Variants in PPARGC1A observed in about 807,000 individuals in gnomAD.
The protein encoded by PPARGC1A is peroxisome proliferator-activated receptor gamma coactivator 1-alpha.
In PPARGC1A, 25 loss-of-function variants were observed where a neutral mutation model predicts 88.7. That is an observed-to-expected ratio of 0.28 (90% confidence interval 0.21 to 0.39). The LOEUF (loss-of-function observed/expected upper bound fraction) is 0.39. Among genes scored for constraint, PPARGC1A ranks in the 10% least tolerant of loss-of-function variants. The pLI is 1.00. For synonymous variants in PPARGC1A, 363 were observed against 355.6 expected, an observed-to-expected ratio of 1.02 and a Z score of -0.24; for missense variants, 880 against 968.7, an observed-to-expected ratio of 0.91 and a Z score of 1.22.
intron 2 of PPARGC1A, among the ~76,000 whole-genome samples, chr4:23,879,534 T>A (rs1041810724): frequency 1.4e-4 from 22 of 152,324 alleles, no homozygotes; most frequent in African/African-American, 5.1e-4. Context: ...TTAGCATTCC[T>A]TACCACCTCT....
At chr4:23,907,884 G>A (rs1369059112), upstream of PPARGC1A, among the ~76,000 whole-genome samples, 1 of 152,168 alleles carries the variant, frequency 6.6e-6, no homozygotes, top group East Asian at 1.9e-4. Flanking sequence ...GCACAAACAT[G>A]TATGGGAAGC....
chr4:23,884,129 A>G (rs1367555801), intron 2 of PPARGC1A: 1 of 152,220 alleles, frequency 6.6e-6, no homozygotes, highest in East Asian at 1.9e-4. Context: ...TCTTTATTAT[A>G]GGGTAGGCTT....
At chr4:24,211,507 C>T in the PPARGC1A span, among the ~76,000 whole-genome samples, 1 of 152,160 alleles carries the variant, frequency 6.6e-6, no homozygotes, top group Non-Finnish European at 1.5e-5. Flanking sequence ...CTTCGTCCTA[C>T]ATAGACAGGT....
chr4:23,851,821 T>G (rs987280053), intron 2 of PPARGC1A, among the ~76,000 whole-genome samples: 1 of 152,228 alleles, frequency 6.6e-6, no homozygotes, highest in African/African-American at 2.4e-5. Context: ...GTATGCTGTG[T>G]CTTACAGAAG....
the PPARGC1A span, among the ~76,000 whole-genome samples, chr4:24,149,930 G>A: frequency 6.6e-6 from 1 of 152,118 alleles, no homozygotes; most frequent in African/African-American, 2.4e-5. Flanking sequence ...ATCTGGAATA[G>A]GATAAACAAC....
At chr4:24,402,169 C>T in the PPARGC1A span, among the ~76,000 whole-genome samples, 1 of 152,192 alleles carries the variant, frequency 6.6e-6, no homozygotes, top group Non-Finnish European at 1.5e-5. Flanking sequence ...CTCCATCCTA[C>T]CCCACTCCGT....
At chr4:24,237,899 A>G in the PPARGC1A span, among the ~76,000 whole-genome samples, 1 of 152,174 alleles carries the variant, frequency 6.6e-6, no homozygotes, top group Admixed American at 6.5e-5. Flanking sequence ...CCCACTTAGG[A>G]AGCTATCACT....
At chr4:24,303,250 G>T in the PPARGC1A span, among the ~76,000 whole-genome samples, 1 of 152,114 alleles carries the variant, frequency 6.6e-6, no homozygotes, top group Admixed American at 6.5e-5. Flanking sequence ...ACAGAAATTA[G>T]TTGCAAAGTA....
the PPARGC1A span, among the ~76,000 whole-genome samples, chr4:24,011,826 G>A: frequency 6.6e-6 from 1 of 152,044 alleles, no homozygotes; most frequent in Non-Finnish European, 1.5e-5. Context: ...GGTATTTATT[G>A]GTACAATACA....
chr4:24,134,813 G>C, the PPARGC1A span, among the ~76,000 whole-genome samples: 1 of 152,154 alleles, frequency 6.6e-6, no homozygotes, highest in Non-Finnish European at 1.5e-5. Flanking sequence ...TTGCTCTTAA[G>C]AGCATGCTAC....
chr4:24,423,661 C>G, the PPARGC1A span, among the ~76,000 whole-genome samples: 1 of 152,188 alleles, frequency 6.6e-6, no homozygotes. Context: ...CCTAATGCTA[C>G]TGCTTTTTCT....
chr4:23,916,217 G>A, the PPARGC1A span, among the ~76,000 whole-genome samples: 7 of 152,160 alleles, frequency 4.6e-5, no homozygotes, highest in South Asian at 2.1e-4. Flanking sequence ...CCCTTCATTC[G>A]TAAAACATGG....
the PPARGC1A span, among the ~76,000 whole-genome samples, chr4:24,289,933 G>T: frequency 6.6e-6 from 1 of 152,134 alleles, no homozygotes; most frequent in South Asian, 2.1e-4. Context: ...CACATGGCTG[G>T]GGGGGCCTCC....
chr4:24,403,875 A>G, the PPARGC1A span, among the ~76,000 whole-genome samples: 1 of 152,212 alleles, frequency 6.6e-6, no homozygotes, highest in Non-Finnish European at 1.5e-5. Context: ...ATCTAGACAC[A>G]GCACAAAAAT....
chr4:24,259,474 G>A, the PPARGC1A span, among the ~76,000 whole-genome samples: 6,901 of 152,150 alleles, frequency 0.045, 214 homozygotes, highest in Middle Eastern at 0.095. Context: ...GCCACAGAAC[G>A]ACATTTCAGC....
the PPARGC1A span, among the ~76,000 whole-genome samples, chr4:23,972,932 C>T: frequency 3.3e-5 from 5 of 152,162 alleles, no homozygotes; most frequent in Non-Finnish European, 5.9e-5. Flanking sequence ...CCTGTGACTT[C>T]CTATGTGTGC....
At chr4:23,880,644 C>A (rs1715739791) in intron 2 of PPARGC1A, 1 of 152,094 alleles carries the variant, frequency 6.6e-6, no homozygotes, top group Non-Finnish European at 1.5e-5. Flanking sequence ...CTAGAATAAC[C>A]AAGTAGCCTT....
upstream of PPARGC1A, among the ~76,000 whole-genome samples, chr4:23,907,304 T>A (rs1446826032): frequency 1.3e-5 from 2 of 152,246 alleles, no homozygotes; most frequent in African/African-American, 4.8e-5. Flanking sequence ...GATTCTGTAA[T>A]AGTTTGATGT....
At chr4:23,966,236 C>G in the PPARGC1A span, among the ~76,000 whole-genome samples, 1 of 152,282 alleles carries the variant, frequency 6.6e-6, no homozygotes, top group East Asian at 1.9e-4. Flanking sequence ...CCTGTTTCCT[C>G]GGAGAGGTCA....
Sources: gnomAD v4.1 joint callset for allele counts (sites outside exome capture counted in the v4.1 genomes callset) on GRCh38, gnomAD v4.1.1 for gene constraint, MANE v1.5 for transcripts, NCBI Gene and HGNC (gene_info 2026-07-23, HGNC 2026-07-21) for gene names.